The following CFAP210 variants were observed in gnomAD, a reference collection of about 807,000 sequenced individuals.
CFAP210 encodes cilia and flagella associated protein 210.
the CFAP210 span, among the ~76,000 whole-genome samples, chr2:169,652,589 G>T: frequency 6.6e-6 from 1 of 151,652 alleles, no homozygotes; most frequent in Admixed American, 6.6e-5. Flanking sequence ...CTCCACCCTG[G>T]GCAACATAGC....
the CFAP210 span, among the ~76,000 whole-genome samples, chr2:169,648,447 TTA>T: frequency 4.2e-5 from 2 of 47,286 alleles, no homozygotes; most frequent in Non-Finnish European, 9.4e-5. Flanking sequence ...ATGGTACTTT[TTA>T]TGTTATGTAT....
the CFAP210 span, chr2:169,662,424 A>G: frequency 6.3e-7 from 1 of 1,586,654 alleles, no homozygotes; most frequent in Non-Finnish European, 8.5e-7. Flanking sequence ...CTTCTTCCTC[A>G]TGTTCCTTTA....
At chr2:169,683,986 T>C in the CFAP210 span, among the ~76,000 whole-genome samples, 3 of 152,272 alleles carry the variant, frequency 2.0e-5, no homozygotes, top group East Asian at 3.9e-4. Flanking sequence ...AACAGAGCTA[T>C]AGATGATTTC....
chr2:169,684,081 A>T, the CFAP210 span, among the ~76,000 whole-genome samples: 2 of 152,144 alleles, frequency 1.3e-5, no homozygotes, highest in Non-Finnish European at 2.9e-5. Context: ...ACCCCACAGT[A>T]GCTCTCATAC....
At chr2:169,681,192 G>A in the CFAP210 span, 1 of 1,613,624 alleles carries the variant, frequency 6.2e-7, no homozygotes. Flanking sequence ...CTAGGTAGAA[G>A]AGGCAGATAG....
At chr2:169,645,426 A>G in the CFAP210 span, 1 of 156,568 alleles carries the variant, frequency 6.4e-6, no homozygotes, top group Non-Finnish European at 1.4e-5. Context: ...ACACAAGGCC[A>G]CAGTATGATT....
At chr2:169,691,961 T>G in the CFAP210 span, among the ~76,000 whole-genome samples, 2 of 152,240 alleles carry the variant, frequency 1.3e-5, no homozygotes, top group Non-Finnish European at 2.9e-5. Flanking sequence ...GCCAAAGGAC[T>G]GTCTATGAGT....
chr2:169,675,266 T>G, the CFAP210 span, among the ~76,000 whole-genome samples: 3 of 152,226 alleles, frequency 2.0e-5, no homozygotes, highest in Non-Finnish European at 4.4e-5. Flanking sequence ...TAGAGGTATA[T>G]GAACTTCTCC....
the CFAP210 span, among the ~76,000 whole-genome samples, chr2:169,656,427 G>C: frequency 3.7e-5 from 4 of 108,136 alleles, no homozygotes; most frequent in Non-Finnish European, 6.3e-5. Context: ...AGGAGGACGA[G>C]GAAGAGAAGG....
the CFAP210 span, among the ~76,000 whole-genome samples, chr2:169,677,797 A>T: frequency 6.6e-6 from 1 of 152,328 alleles, no homozygotes; most frequent in South Asian, 2.1e-4. Flanking sequence ...TGATGCCATG[A>T]TTGTCTATGT....
At chr2:169,649,431 AG>A in the CFAP210 span, 3 of 1,233,982 alleles carry the variant, frequency 2.4e-6, no homozygotes, top group Non-Finnish European at 3.4e-6. Context: ...AGAGAGTTGA[AG>A]CAGAGGAGAG....
chr2:169,647,087 T>G, the CFAP210 span, among the ~76,000 whole-genome samples: 1 of 152,136 alleles, frequency 6.6e-6, no homozygotes, highest in African/African-American at 2.4e-5. Flanking sequence ...TTTTCATTAT[T>G]GAGTGCTACA....
the CFAP210 span, chr2:169,645,882 T>G: frequency 6.2e-7 from 1 of 1,612,982 alleles, no homozygotes; most frequent in South Asian, 1.1e-5. Context: ...TTTTGAAAAT[T>G]ATATTTTGGT....
the CFAP210 span, among the ~76,000 whole-genome samples, chr2:169,647,844 C>G: frequency 3.6e-4 from 54 of 151,806 alleles, no homozygotes; most frequent in African/African-American, 1.3e-3. Context: ...CTTCTAAAAC[C>G]CAACAACAAA....
At chr2:169,680,373 AT>A in the CFAP210 span, among the ~76,000 whole-genome samples, 1 of 152,216 alleles carries the variant, frequency 6.6e-6, no homozygotes, top group Non-Finnish European at 1.5e-5. Flanking sequence ...ATATACACCT[AT>A]CATAAAAGAC....
the CFAP210 span, among the ~76,000 whole-genome samples, chr2:169,690,797 T>C: frequency 1.3e-5 from 2 of 152,204 alleles, no homozygotes; most frequent in African/African-American, 4.8e-5. Context: ...TTTTATGTAA[T>C]GTCATTTCTC....
At chr2:169,674,956 C>T in the CFAP210 span, 1 of 1,542,902 alleles carries the variant, frequency 6.5e-7, no homozygotes, top group Non-Finnish European at 8.7e-7. Flanking sequence ...TTGTATATTT[C>T]TTCTTCCAGA....
At chr2:169,650,496 TTCTTTC>T in the CFAP210 span, 1 of 1,575,850 alleles carries the variant, frequency 6.3e-7, no homozygotes, top group Non-Finnish European at 8.6e-7. Context: ...AAGTTATGTA[TTCTTTC>T]TCTTCGTTTC....
the CFAP210 span, among the ~76,000 whole-genome samples, chr2:169,654,744 T>C: frequency 6.6e-6 from 1 of 152,104 alleles, no homozygotes; most frequent in Admixed American, 6.6e-5. Flanking sequence ...CTTTAAAGTA[T>C]ACAATTTAAA....
Sources: allele counts gnomAD v4.1 joint callset (sites outside exome capture counted in the v4.1 genomes callset), GRCh38; gene constraint gnomAD v4.1.1; transcripts MANE v1.5; gene names NCBI Gene and HGNC (gene_info 2026-07-23, HGNC 2026-07-21).